AASDH: variants seen among roughly 807,000 people sequenced by gnomAD.
AASDH encodes beta-alanine-activating enzyme.
In AASDH, 81 loss-of-function variants were observed where a neutral mutation model predicts 102.3. The observed-to-expected ratio is 0.79, with a 90% CI of 0.66 to 0.95. The LOEUF is 0.95. Among genes scored for constraint, AASDH ranks in the 40% least tolerant of loss-of-function variants. The pLI is 0.00. For missense variants in AASDH, 1,203 were observed against 1,266.2 expected (o/e 0.95, Z 0.76); for synonymous variants, 398 against 454.0 (o/e 0.88, Z 1.57).
rs879849570 is a variant in AASDH, at chr4:56,362,253, CT to C, written c.862-6831del. ...GCTTTAGTAGTATGTGTTTTGACAGCTTTTTTTTTCTTTGTTTGTTTGTTTG... is the reference window on the plus strand; with the variant it reads ...GCTTTAGTAGTATGTGTTTTGACAGCTTTTTTTTCTTTGTTTGTTTGTTTG... On this transcript the variant is annotated intron_variant, in intron 5 of 14. Transcript: ENST00000205214. Among the ~76,000 whole-genome samples the C allele has an allele frequency of 5.1e-3, 769 of 151,074 alleles. 8 individuals are homozygous for C. The highest frequency in any genetic ancestry group is 0.017 in the African/African-American group (719 of 41,156).
At chr4:56,383,694 G>A (rs1042040298) in intron 2 of AASDH, among the ~76,000 whole-genome samples, 1 of 152,084 alleles carries the variant, frequency 6.6e-6, no homozygotes, top group African/African-American at 2.4e-5. Flanking sequence ...ATACCTTAGT[G>A]CCTCAAATTT....
At chr4:56,354,587 TA>T in intron 7 of AASDH, 117 bp downstream of exon 7, 1 of 735,404 alleles carries the variant, frequency 1.4e-6, no homozygotes, top group Non-Finnish European at 2.2e-6. Context: ...TGAATGAGAA[TA>T]AAAATTATCA....
Position 56,345,147 on chromosome 4 carries a change from C to G in AASDH, c.2632G>C (p.Ala878Pro). The G allele has an allele frequency of 6.2e-7, 1 of 1,613,908 alleles. No homozygotes were observed. Among genetic ancestry groups the G allele is most frequent in the Non-Finnish European group, 8.5e-7 (1 of 1,179,936 alleles). Reference sequence around the variant, plus strand: ...CTTACATAAATATCTAAAGCATATGCGTGCTGGTCATGAGATCCAATGTAA... The same window carrying G: ...CTTACATAAATATCTAAAGCATATGGGTGCTGGTCATGAGATCCAATGTAA... The part of the protein sequence containing the change: ...LIYIGSHDQH[A>P]YALDIYRKKC... The change falls in exon 12 of 15, where the codon GCA (alanine) becomes CCA (proline). Residue 878 changes from alanine to proline, a missense_variant. Ala to Pro is a conservative substitution (Grantham distance 27, BLOSUM62 -1). Coordinates refer to ENST00000205214, the MANE Select transcript of AASDH (RefSeq NM_181806.4).
At chr4:56,364,059 T>A (rs189357073) in intron 5 of AASDH, among the ~76,000 whole-genome samples, 1 of 152,012 alleles carries the variant, frequency 6.6e-6, no homozygotes, top group Non-Finnish European at 1.5e-5. Context: ...GCACGAGAAC[T>A]ACATGATGAA....
intron 5 of AASDH, among the ~76,000 whole-genome samples, chr4:56,365,755 C>T (rs1440719161): frequency 6.6e-6 from 1 of 151,976 alleles, no homozygotes; most frequent in Non-Finnish European, 1.5e-5. Flanking sequence ...TAAATGCCCA[C>T]AAGAGAAAGC....
intron 3 of AASDH, among the ~76,000 whole-genome samples, chr4:56,378,858 G>A (rs1227787237): frequency 6.7e-6 from 1 of 149,548 alleles, no homozygotes; most frequent in Non-Finnish European, 1.5e-5. Context: ...CCAGGCTGGA[G>A]TGCAGTGGTA....
chr4:56,364,733 AG>A (rs1750771224), intron 5 of AASDH, among the ~76,000 whole-genome samples: 1 of 152,240 alleles, frequency 6.6e-6, no homozygotes, highest in Non-Finnish European at 1.5e-5. Context: ...AAACATGGAA[AG>A]GAACAACCAG....
At chr4:56,346,288 T>G (rs891672576) in intron 11 of AASDH, among the ~76,000 whole-genome samples, 2 of 152,110 alleles carry the variant, frequency 1.3e-5, no homozygotes, top group African/African-American at 4.8e-5. Context: ...TTTTTATGCT[T>G]TTTTTTCCCC....
At chr4:56,379,053 T>C (rs1752686142) in intron 3 of AASDH, among the ~76,000 whole-genome samples, 1 of 151,292 alleles carries the variant, frequency 6.6e-6, no homozygotes, top group Non-Finnish European at 1.5e-5. Context: ...CCGGCTAATG[T>C]TTTTGTATTT....
chr4:56,378,815 T>C (rs1472207922), intron 3 of AASDH, among the ~76,000 whole-genome samples: 1 of 151,544 alleles, frequency 6.6e-6, no homozygotes, highest in Admixed American at 6.6e-5. Flanking sequence ...ATTTTCTTTT[T>C]TTTTTTCTTG....
rs759872754 is a variant in AASDH, at chr4:56,353,489, G to T, written c.1491C>A (p.Ile497=). Residue 497 remains isoleucine (I), a synonymous_variant, in exon 9 of 15, where the codon ATC becomes ATA. Coordinates refer to ENST00000205214, the MANE Select transcript of AASDH (RefSeq NM_181806.4). Reference sequence around the variant, plus strand: ...GAAGATATTTCTGCAGTTCTTTAAAGATGTATTCTTTTACTGAAGCATCTT... The same window carrying T: ...GAAGATATTTCTGCAGTTCTTTAAATATGTATTCTTTTACTGAAGCATCTT... ...VSKDASVKEY[I]FKELQKYLPS... The T allele has an allele frequency of 6.2e-7, 1 of 1,613,866 alleles. No individual in the cohort carries two copies. Among genetic ancestry groups the T allele is most frequent in the Non-Finnish European group, 8.5e-7 (1 of 1,179,948 alleles).
intron 5 of AASDH, among the ~76,000 whole-genome samples, chr4:56,363,800 TAA>T (rs1420718558): frequency 2.6e-5 from 4 of 152,126 alleles, no homozygotes. Context: ...CGGGAAACTC[TAA>T]AAATCAGAGC....
In AASDH at chr4:56,349,685, G is replaced by A. The variant is rs531675247; in HGVS notation, c.2066C>T (p.Ser689Phe). The change falls in exon 11 of 15, where the codon TCT becomes TTT. Residue 689 changes from serine (S) to phenylalanine (F), a missense_variant. Physicochemically the swap from Ser to Phe is radical, Grantham distance 155 (BLOSUM62 -2). Transcript: ENST00000205214. ...TGTTAAAAACCTAGTGGAATTCAGA[G>A]ACAAAATTTGACTCCCTCTGCTCAG... ...VVLSRGSQIL[S>F]LNSTRFLTKL... The A allele has an allele frequency of 1.2e-6, 2 of 1,614,224 alleles. No individual in the cohort carries two copies. Among genetic ancestry groups the A allele is most frequent in the Middle Eastern group, 1.6e-4 (1 of 6,062 alleles).
chr4:56,353,975 T>C (rs552040364), intron 8 of AASDH, 64 bp downstream of exon 8: 6 of 1,417,724 alleles, frequency 4.2e-6, no homozygotes, highest in East Asian at 2.5e-5. Context: ...GCACAGAAAA[T>C]TGGTGGTGGC....
rs761779285 is a variant in AASDH at position 56,338,579 on chromosome 4, T to A, written c.3120A>T (p.Ala1040=). The A allele has an allele frequency of 2.5e-6, 4 of 1,614,222 alleles. No homozygotes were observed. Among genetic ancestry groups the A allele is most frequent in the Non-Finnish European group, 2.5e-6 (3 of 1,180,038 alleles). ...YNGSNEMLLA[A]ASTDGKVWIL... ...TCCACACTTTCCCATCAGTAGATGC[T>A]GCTGCCAGCAACATTTCATTGCTGC... Residue 1040 remains alanine (A), a synonymous_variant, in exon 15 of 15, where the codon GCA becomes GCT. Transcript: ENST00000205214.
chr4:56,371,778 C>T, intron 4 of AASDH, 135 bp from the exon 5 acceptor site: 1 of 742,186 alleles, frequency 1.3e-6, no homozygotes, highest in South Asian at 2.7e-5. Flanking sequence ...CTTAAATTAG[C>T]CAAAATGGTG....
intron 4 of AASDH, among the ~76,000 whole-genome samples, chr4:56,376,120 C>G (rs1380329541): frequency 6.7e-6 from 1 of 149,206 alleles, no homozygotes; most frequent in Admixed American, 6.8e-5. Flanking sequence ...ACCTCCTGGG[C>G]TAAATCAATC....
chr4:56,351,115 C>G (rs764408490), intron 10 of AASDH, among the ~76,000 whole-genome samples: 18 of 152,296 alleles, frequency 1.2e-4, no homozygotes, highest in Non-Finnish European at 1.8e-4. Flanking sequence ...CCTTTTATGA[C>G]TACTTCACTT....
At chr4:56,353,651 T>C in intron 8 of AASDH, 55 bp from the exon 9 acceptor site, 1 of 1,438,470 alleles carries the variant, frequency 7.0e-7, no homozygotes, top group Non-Finnish European at 9.4e-7. Context: ...ACAAGCTTCC[T>C]AAAAGCTTAT....
Sources: allele counts gnomAD v4.1 joint callset (sites outside exome capture counted in the v4.1 genomes callset), GRCh38; gene constraint gnomAD v4.1.1; transcripts MANE v1.5; gene names NCBI Gene and HGNC (gene_info 2026-07-23, HGNC 2026-07-21).